Variants in TECPR1 observed in about 807,000 individuals in gnomAD.
TECPR1 encodes the protein tectonin beta-propeller repeat-containing protein 1.
A neutral mutation model predicts 162.4 loss-of-function variants in TECPR1; 122 were observed. The observed-to-expected ratio is 0.75, with a 90% CI of 0.65 to 0.87. The LOEUF (loss-of-function observed/expected upper bound fraction) is 0.87. TECPR1 is among the 40% of genes least tolerant of loss of function. TECPR1 has a pLI of 0.00. For missense variants in TECPR1, 1,432 were observed against 1,618.2 expected, an observed-to-expected ratio of 0.88 and a Z score of 1.97; for synonymous variants, 642 against 670.6, an observed-to-expected ratio of 0.96 and a Z score of 0.66.
rs992734392 is a variant in TECPR1, at chr7:98,244,920, C to T, written c.373G>A (p.Asp125Asn). 6.2e-7 allele frequency: 1 copy of T among 1,613,120 alleles called. No homozygotes were observed. The highest frequency in any genetic ancestry group is 8.5e-7 in the Non-Finnish European group (1 of 1,179,866). ...HWEWESDWYV[D>N]ENFGGEPTEK... ...GTGGGTTCACCTCCAAAATTCTCATCCACGTACCAGTCAGACTCCCACTCC... is the reference window on the plus strand; with the variant it reads ...GTGGGTTCACCTCCAAAATTCTCATTCACGTACCAGTCAGACTCCCACTCC... Residue 125 changes from aspartate to asparagine, a missense_variant, in exon 4 of 26, where the codon GAT becomes AAT. Asp to Asn is a conservative substitution (Grantham distance 23). Coordinates refer to ENST00000447648, the MANE Select transcript of TECPR1 (RefSeq NM_015395.3).
chr7:98,245,806 G>T, intron 3 of TECPR1, 116 bp downstream of exon 3: 2 of 950,602 alleles, frequency 2.1e-6, no homozygotes, highest in South Asian at 1.6e-5. Context: ...GGAAGGAAAT[G>T]AAGGCAGGAA....
At position 98,216,766 on chromosome 7, in the gene TECPR1, T is replaced by C. The variant is rs536057997; in HGVS notation, c.*624A>G. On this transcript the variant is annotated 3_prime_UTR_variant, in exon 26 of 26. Transcript: ENST00000447648. ...TTTTAGCAGAGATGGGGTTTCACCA[T>C]GTTGGCCCGTCTGGTTTGAAACTCT... 1 of 151,872 alleles carries C rather than the reference T, an allele frequency of 6.6e-6. No individual in the cohort carries two copies. The highest frequency in any genetic ancestry group is 1.9e-4 in the East Asian group (1 of 5,140). 9.4% of individuals were successfully genotyped at this position (151,872 alleles called of 1,614,324 possible).
At chr7:98,239,179 C>T (rs922857688) in intron 8 of TECPR1, among the ~76,000 whole-genome samples, 1 of 152,216 alleles carries the variant, frequency 6.6e-6, no homozygotes, top group African/African-American at 2.4e-5. Flanking sequence ...TCCATCAGGG[C>T]TCTTCTTATA....
chr7:98,227,660 A>C (rs1187687863), intron 17 of TECPR1, among the ~76,000 whole-genome samples: 1 of 151,724 alleles, frequency 6.6e-6, no homozygotes, highest in Non-Finnish European at 1.5e-5. Context: ...GTCTCTACTA[A>C]CAATACAAAA....
rs1448676912 is a variant in TECPR1 at position 98,241,343 on chromosome 7, G to C, written c.658-99C>G. On this transcript the variant is annotated intron_variant, in intron 6 of 25. Transcript: ENST00000447648. This position sits in a 1 kb window ranked among gnomAD's most constrained non-coding sequence, Gnocchi z 5.0. The stretch of plus-strand genomic sequence containing the variant: ...GTAGGGGGTAGGACCCATGTCCCCT[G>C]ACCGTCCAGATCTCACTCCCTGCCC... 1 of 1,451,012 alleles carries C rather than the reference G, an allele frequency of 6.9e-7. No individual in the cohort carries two copies. Among genetic ancestry groups the C allele is most frequent in the Non-Finnish European group, 9.5e-7 (1 of 1,057,376 alleles). The allele number at this position is 1,451,012 out of a possible 1,614,324, so 89.9% of individuals were successfully genotyped here.
At position 98,223,039 on chromosome 7, in the gene TECPR1, T is replaced by G; in HGVS notation, c.2879A>C (p.Asp960Ala). ...CAGGCGGCACAGCACATCCCCCTTG[T>G]CGCTGACGGCCCAGAGGGCGATGCT... is the stretch of plus-strand genomic sequence containing the variant. The part of the protein sequence containing the change: ...GHSIALWAVS[D>A]KGDVLCRLGV... Residue 960 changes from aspartate (D) to alanine (A), a missense_variant, in exon 21 of 26, where the codon GAC (aspartate) becomes GCC (alanine). By Grantham distance (126) the Asp-to-Ala change is moderately radical. Transcript: ENST00000447648. 6.2e-7 allele frequency: 1 copy of G among 1,611,004 alleles called. No individual in the cohort carries two copies. The highest frequency in any genetic ancestry group is 8.5e-7 in the Non-Finnish European group (1 of 1,179,210).
At chr7:98,235,482 G>A (rs1299372007) in intron 10 of TECPR1, among the ~76,000 whole-genome samples, 3 of 144,008 alleles carry the variant, frequency 2.1e-5, no homozygotes, top group Non-Finnish European at 4.5e-5. Context: ...CCAAGATCGC[G>A]CCGTGGCACT....
chr7:98,234,033 T>C, intron 10 of TECPR1, 122 bp from the exon 11 acceptor site: 1 of 1,273,786 alleles, frequency 7.9e-7, no homozygotes, highest in Non-Finnish European at 1.1e-6. Flanking sequence ...TCAGAACCTC[T>C]CTGAACTCCT....
intron 10 of TECPR1, 49 bp from the exon 11 acceptor site, chr7:98,233,960 C>A (rs773237154): frequency 4.9e-5 from 72 of 1,465,708 alleles, no homozygotes; most frequent in Non-Finnish European, 6.4e-5. Flanking sequence ...GGGGAACAGG[C>A]GCTGTCAGGC....
At chr7:98,224,000 C>T (rs1334747341) in intron 19 of TECPR1, among the ~76,000 whole-genome samples, 3 of 151,960 alleles carry the variant, frequency 2.0e-5, no homozygotes, top group East Asian at 1.9e-4. Flanking sequence ...GGAAGGGGGT[C>T]GGGCCTCCCT....
chr7:98,227,212 T>C (rs1242667981), intron 17 of TECPR1, among the ~76,000 whole-genome samples: 2 of 151,066 alleles, frequency 1.3e-5, no homozygotes, highest in East Asian at 4.0e-4. Flanking sequence ...ACCAACATGG[T>C]GAAACCCCGT....
At chr7:98,237,058 T>C (rs1283863957) in intron 9 of TECPR1, 137 bp from the exon 10 acceptor site, 2 of 973,992 alleles carry the variant, frequency 2.1e-6, no homozygotes, top group Non-Finnish European at 2.8e-6. Context: ...GCTGGGGCTG[T>C]GTGGTGGGCA....
rs115735563 is a variant in TECPR1, at chr7:98,250,199, G to T, written c.-20+1195C>A. Among the ~76,000 whole-genome samples the T allele has an allele frequency of 5.0e-3, 762 of 152,286 alleles. 5 individuals carry two copies. The highest frequency in any genetic ancestry group is 0.017 in the African/African-American group (695 of 41,568). ...TCAATAGTAGAATCTAGTTGGTGGG[G>T]ATGGGGATGCTGACTGTATAATTCT... On this transcript the variant is annotated intron_variant, in intron 2 of 25. Coordinates refer to ENST00000447648, the MANE Select transcript of TECPR1 (RefSeq NM_015395.3).
intron 2 of TECPR1, among the ~76,000 whole-genome samples, chr7:98,248,503 A>C (rs1198093872): frequency 7.5e-6 from 1 of 133,420 alleles, no homozygotes; most frequent in East Asian, 2.6e-4. Flanking sequence ...AGATAGAAGC[A>C]TGTCTGAAAA....
rs1244220080 is a variant in TECPR1, at chr7:98,232,802, C to T, written c.1818+25G>A. On this transcript the variant is annotated intron_variant, in intron 12 of 25. Coordinates refer to ENST00000447648, the MANE Select transcript of TECPR1 (RefSeq NM_015395.3). This position sits in a 1 kb window ranked among gnomAD's most constrained non-coding sequence, Gnocchi z 4.6. ...GATTGCTGGAAAAAAAAAAAAAATG[C>T]ATGCGCAGCCACCGGGGCACCCACC... The T allele has an allele frequency of 2.0e-6, 3 of 1,515,714 alleles. No individual in the cohort carries two copies. The highest frequency in any genetic ancestry group is 2.4e-5 in the East Asian group (1 of 41,744). 93.9% of individuals were successfully genotyped at this position (1,515,714 alleles called of 1,614,324 possible).
At chr7:98,222,620 T>C (rs984578730) in intron 21 of TECPR1, 99 bp from the exon 22 acceptor site, 1 of 1,419,764 alleles carries the variant, frequency 7.0e-7, no homozygotes, top group Non-Finnish European at 9.4e-7. Flanking sequence ...GTGGGCAGCA[T>C]AGGTGGCTGG....
At chr7:98,226,070 G>C (rs1798273336) in intron 17 of TECPR1, among the ~76,000 whole-genome samples, 1 of 152,214 alleles carries the variant, frequency 6.6e-6, no homozygotes, top group Non-Finnish European at 1.5e-5. Flanking sequence ...GCACGCATTT[G>C]TGTTGACCAG....
intron 13 of TECPR1, 185 bp from the exon 14 acceptor site, chr7:98,231,558 T>G: frequency 1.8e-5 from 7 of 388,262 alleles, no homozygotes; most frequent in East Asian, 1.4e-4. Context: ...CCCATTTCTG[T>G]ACCCCCTCCC....
intron 3 of TECPR1, among the ~76,000 whole-genome samples, chr7:98,245,359 C>T (rs1434681758): frequency 2.0e-5 from 3 of 152,238 alleles, no homozygotes; most frequent in Non-Finnish European, 4.4e-5. Context: ...TCCTAGGCTC[C>T]CAGAAACCAC....
Sources: gnomAD v4.1 joint callset for allele counts (sites outside exome capture counted in the v4.1 genomes callset) on GRCh38, gnomAD v4.1.1 for gene constraint, Gnocchi (gnomAD v3.1) non-coding constraint, MANE v1.5 for transcripts, NCBI Gene and HGNC (gene_info 2026-07-23, HGNC 2026-07-21) for gene names.